ADCY8: variants seen among roughly 807,000 people sequenced by gnomAD.
ADCY8 encodes the protein adenylate cyclase 8.
A neutral mutation model predicts 119.7 loss-of-function variants in ADCY8; 51 were observed. The ratio of observed to expected loss-of-function variants is 0.43; its 90% CI spans 0.34 to 0.54. The LOEUF (loss-of-function observed/expected upper bound fraction) is 0.54, where lower values mean the gene tolerates loss of function less well. Ranked by LOEUF, ADCY8 falls within the 20% of genes least tolerant of loss-of-function variation. ADCY8 has a pLI of 0.03. For synonymous variants in ADCY8, 665 were observed against 651.0 expected (o/e 1.02, Z -0.33); for missense variants, 1,383 against 1,598.8 (o/e 0.87, Z 2.30).
rs534175152 is a variant in ADCY8, at chr8:130,792,228, C to T, written c.3061-6753G>A. 4.6e-5 allele frequency among the ~76,000 whole-genome samples: 7 copies of T among 152,300 alleles called. No individual in the cohort carries two copies. The East Asian group carries it at 1.2e-3, about 25-fold the overall frequency. On this transcript the variant is annotated intron_variant, in intron 15 of 17. Transcript: ENST00000286355. ...CTTCCCCAACTTCAGATTTTACTTC[C>T]ACTTCACTGGTGATGCTTCACCAGT...
Position 130,889,148 on chromosome 8 carries a change from A to T in ADCY8, c.1912-4387T>A, listed in dbSNP as rs141768434. 6.8e-3 allele frequency among the ~76,000 whole-genome samples: 1,034 copies of T among 152,298 alleles called. 6 individuals are homozygous for T. Among genetic ancestry groups the T allele is most frequent in the Non-Finnish European group, 0.011 (716 of 68,010 alleles). ...ATGTGTTTCAAGAAGCACAAGAATG[A>T]TGAGATGTTTCATTACAAAGTGGTT... On this transcript the variant is annotated intron_variant, in intron 7 of 17. Transcript: ENST00000286355.
intron 1 of ADCY8, among the ~76,000 whole-genome samples, chr8:131,037,457 C>G (rs947582583): frequency 1.3e-5 from 2 of 152,086 alleles, no homozygotes; most frequent in African/African-American, 4.8e-5. Context: ...TCATAATTTG[C>G]CACTTAGGAT....
chr8:130,789,688 G>A (rs935680588), intron 15 of ADCY8, among the ~76,000 whole-genome samples: 3 of 152,152 alleles, frequency 2.0e-5, no homozygotes, highest in African/African-American at 7.2e-5. Context: ...AATTGCTAAA[G>A]GCCACCCAGC....
intron 2 of ADCY8, among the ~76,000 whole-genome samples, chr8:130,955,463 A>C (rs903752435): frequency 6.6e-6 from 1 of 152,174 alleles, no homozygotes; most frequent in African/African-American, 2.4e-5. Flanking sequence ...CCCCATTTTC[A>C]GAAATTGAAA....
chr8:130,817,816 A>C (rs1816392962), intron 13 of ADCY8, among the ~76,000 whole-genome samples: 2 of 152,252 alleles, frequency 1.3e-5, no homozygotes, highest in Admixed American at 6.5e-5. Context: ...ACTTCCAGGT[A>C]ACAAATAGTG....
At chr8:130,949,391 T>G (rs2130653248) in intron 3 of ADCY8, 1 of 152,334 alleles carries the variant, frequency 6.6e-6, no homozygotes, top group Non-Finnish European at 1.5e-5. Flanking sequence ...CCACATATTT[T>G]ATTTATAAAT....
chr8:130,920,336 G>C (rs1051415498), intron 5 of ADCY8, among the ~76,000 whole-genome samples: 8 of 151,928 alleles, frequency 5.3e-5, no homozygotes, highest in African/African-American at 1.2e-4. Context: ...ACACTGTGAG[G>C]AGCCTTCCAT....
At chr8:131,016,525 A>G (rs1280805441) in intron 1 of ADCY8, among the ~76,000 whole-genome samples, 3 of 152,174 alleles carry the variant, frequency 2.0e-5, no homozygotes, top group East Asian at 1.9e-4. Context: ...AAATAAAAAA[A>G]GAATGTCACA....
intron 13 of ADCY8, among the ~76,000 whole-genome samples, chr8:130,819,040 T>A (rs1014720912): frequency 1.3e-5 from 2 of 152,240 alleles, no homozygotes; most frequent in Non-Finnish European, 2.9e-5. Context: ...CTGGGATAAG[T>A]ATATTACAAT....
At chr8:130,900,917 C>T (rs1819577126) in intron 7 of ADCY8, among the ~76,000 whole-genome samples, 1 of 152,216 alleles carries the variant, frequency 6.6e-6, no homozygotes. Context: ...TCAAGCTCCA[C>T]ATGTCCCAAA....
chr8:130,910,353 A>G (rs1263148803), intron 5 of ADCY8, among the ~76,000 whole-genome samples: 1 of 152,110 alleles, frequency 6.6e-6, no homozygotes, highest in Non-Finnish European at 1.5e-5. Flanking sequence ...TTCATACTTC[A>G]TTACACATTC....
intron 5 of ADCY8, among the ~76,000 whole-genome samples, chr8:130,925,039 C>CAA (rs71304400): frequency 1.5e-5 from 2 of 137,360 alleles, no homozygotes; most frequent in African/African-American, 2.7e-5. Context: ...ACTAAAAATA[C>CAA]AAAAAAAAAA....
At chr8:130,811,969 G>A (rs1474439351) in intron 14 of ADCY8, among the ~76,000 whole-genome samples, 1 of 152,186 alleles carries the variant, frequency 6.6e-6, no homozygotes, top group Non-Finnish European at 1.5e-5. Flanking sequence ...TCCCTTGAAG[G>A]TTAGAGGGGG....
At chr8:130,797,218 T>C (rs1239890377) in intron 15 of ADCY8, among the ~76,000 whole-genome samples, 1 of 151,654 alleles carries the variant, frequency 6.6e-6, no homozygotes, top group Non-Finnish European at 1.5e-5. Flanking sequence ...CTTAAAACAT[T>C]ATGAGACTTT....
chr8:130,924,986 A>T (rs1297652126), intron 5 of ADCY8, among the ~76,000 whole-genome samples: 1 of 151,754 alleles, frequency 6.6e-6, no homozygotes, highest in African/African-American at 2.4e-5. Context: ...AGACAGGTGG[A>T]TCACAAGGTC....
At chr8:130,901,247 T>C (rs1190100720) in intron 7 of ADCY8, among the ~76,000 whole-genome samples, 1 of 145,866 alleles carries the variant, frequency 6.9e-6, no homozygotes, top group East Asian at 1.9e-4. Flanking sequence ...CTCCTCTTTT[T>C]TTTTTTTTTT....
Position 130,849,619 on chromosome 8 carries a change from C to A in ADCY8, c.2395G>T (p.Gly799Cys). ...ATGCTTACGATATTTAAGATGGCAC[C>A]CAGGAAATTAATCAAAATGGATGCA... ...IFASILINFL[G>C]AILNILWCDF... Residue 799 changes from glycine (G) to cysteine (C), a missense_variant, in exon 10 of 18, where the codon GGT becomes TGT. This residue lies in a region of ADCY8 where 928 missense variants were observed against 1,163.5 expected (regional missense o/e 0.80). Transcript: ENST00000286355. The A allele has an allele frequency of 6.2e-7, 1 of 1,613,876 alleles. No individual in the cohort carries two copies. Among genetic ancestry groups the A allele is most frequent in the Admixed American group, 1.7e-5 (1 of 60,006 alleles).
intron 1 of ADCY8, among the ~76,000 whole-genome samples, chr8:130,994,455 G>C (rs552647593): frequency 7.9e-5 from 12 of 152,278 alleles, no homozygotes; most frequent in African/African-American, 2.4e-4. Context: ...GGGTTCTTTT[G>C]TAACTGATAT....
chr8:131,028,640 T>C (rs1309405003), intron 1 of ADCY8, among the ~76,000 whole-genome samples: 1 of 152,234 alleles, frequency 6.6e-6, no homozygotes, highest in East Asian at 1.9e-4. Context: ...TTCTCTAAAA[T>C]CTGACTTTGG....
Sources: gnomAD v4.1 joint callset for allele counts (sites outside exome capture counted in the v4.1 genomes callset) on GRCh38, gnomAD v4.1.1 for gene constraint, gnomAD v4.1.1 regional missense constraint, MANE v1.5 for transcripts, NCBI Gene and HGNC (gene_info 2026-07-23, HGNC 2026-07-21) for gene names.